The following MYH7B variants were observed in gnomAD, a reference collection of about 807,000 sequenced individuals.
The protein encoded by MYH7B is myosin heavy chain 7B.
In MYH7B, 205 loss-of-function variants were observed where a neutral mutation model predicts 234.5. That is an observed-to-expected ratio of 0.87 (90% CI 0.78 to 0.98). The LOEUF (loss-of-function observed/expected upper bound fraction) is 0.98. MYH7B is among the 50% of genes least tolerant of loss of function. The pLI, the probability that MYH7B is intolerant of heterozygous loss-of-function variation, is 0.00. For missense variants in MYH7B, 2,652 were observed against 2,633.4 expected (o/e 1.01, Z -0.15); for synonymous variants, 1,193 against 1,105.0 (o/e 1.08, Z -1.58).
At chr20:34,957,229 G>C (rs1256157839) in intron 1 of MYH7B, among the ~76,000 whole-genome samples, 4 of 152,210 alleles carry the variant, frequency 2.6e-5, no homozygotes, top group Non-Finnish European at 5.9e-5. Flanking sequence ...AGCAACAGGA[G>C]CTAAGGGCTT....
rs1452255932 is a variant in MYH7B, at chr20:34,993,226, G to A, written c.2307+1G>A. On this transcript the variant is annotated splice_donor_variant, in intron 25 of 44. Transcript: ENST00000262873. LOFTEE classifies it high-confidence loss of function. The stretch of plus-strand genomic sequence containing the variant: ...CCAGTACCAGTTTGGCCACACCAAG[G>A]TCGGGGCACTGTGGGATCAGGGCTG... 3 of 1,613,862 alleles carry A rather than the reference G, an allele frequency of 1.9e-6. No individual in the cohort carries two copies. Among genetic ancestry groups the A allele is most frequent in the Non-Finnish European group, 2.5e-6 (3 of 1,179,968 alleles).
intron 44 of MYH7B, 30 bp from the exon 45 acceptor site, chr20:35,002,147 C>G (rs1226059302): frequency 2.5e-6 from 4 of 1,597,896 alleles, no homozygotes; most frequent in Non-Finnish European, 1.7e-6. Flanking sequence ...ACAGGTAGTA[C>G]TGCTCACTCA....
exon 6 of MYH7B, chr20:34,979,483 C>A: frequency 6.2e-7 from 1 of 1,613,096 alleles, no homozygotes; most frequent in Non-Finnish European, 8.5e-7. Context: ...ACCGTGGAGA[C>A]CAAAGACCAG....
chr20:34,995,219 C>A, intron 27 of MYH7B, 117 bp from the exon 28 acceptor site: 1 of 953,164 alleles, frequency 1.0e-6, no homozygotes, highest in Non-Finnish European at 1.5e-6. Context: ...CCTGAGTTCT[C>A]AGAGCACAGC....
chr20:35,002,164 C>CCTTT lies in MYH7B; in HGVS notation c.5815-10_5815-7dup, dbSNP rs2082404694. On this transcript the variant is annotated splice_polypyrimidine_tract_variant and intron_variant, in intron 44 of 44. Coordinates refer to ENST00000262873, the Ensembl canonical transcript of MYH7B. ...AGGTAGTACTGCTCACTCAGCTATCCCTTTCTCCTCAGCACAAGGAGTGAC... is the reference window on the plus strand; with the variant it reads ...AGGTAGTACTGCTCACTCAGCTATCCCTTTCTTTCTCCTCAGCACAAGGAGTGAC... 3 of 1,578,294 alleles carry CCTTT rather than the reference C, an allele frequency of 1.9e-6. No individual in the cohort carries two copies. The highest frequency in any genetic ancestry group is 2.7e-5 in the African/African-American group (2 of 74,500).
In MYH7B at chr20:34,979,644, C is replaced by G; in HGVS notation, c.199-17C>G. Reference sequence around the variant, plus strand: ...TTCCTCCCGGTCCCCCGGCCCCTGACACGATCTCCCTGGTAGGTGCTGATG... The same window carrying G: ...TTCCTCCCGGTCCCCCGGCCCCTGAGACGATCTCCCTGGTAGGTGCTGATG... On this transcript the variant is annotated splice_polypyrimidine_tract_variant and intron_variant, in intron 6 of 44. Transcript: ENST00000262873. 6.2e-7 allele frequency: 1 copy of G among 1,613,920 alleles called. No individual in the cohort carries two copies. The highest frequency in any genetic ancestry group is 8.5e-7 in the Non-Finnish European group (1 of 1,179,894).
At chr20:34,956,364 T>C (rs1224150867) in intron 1 of MYH7B, among the ~76,000 whole-genome samples, 1 of 152,216 alleles carries the variant, frequency 6.6e-6, no homozygotes, top group African/African-American at 2.4e-5. Flanking sequence ...CCTGTGTTTC[T>C]CAGACTCTCT....
chr20:34,983,727 A>G (rs117126194), intron 10 of MYH7B, among the ~76,000 whole-genome samples: 1 of 152,362 alleles, frequency 6.6e-6, no homozygotes, highest in East Asian at 1.9e-4. Context: ...AGCCCTGCAC[A>G]AAAGCACTGG....
exon 15 of MYH7B, chr20:34,986,964 A>C (rs1204051792): frequency 6.2e-7 from 1 of 1,613,850 alleles, no homozygotes; most frequent in Non-Finnish European, 8.5e-7. Context: ...AACATGAATG[A>C]TGGGGAGGAG....
intron 2 of MYH7B, among the ~76,000 whole-genome samples, chr20:34,972,654 G>A (rs2081803428): frequency 2.0e-5 from 3 of 152,018 alleles, no homozygotes; most frequent in Admixed American, 1.3e-4. Flanking sequence ...TTTGAGTCAG[G>A]GTCTTGTTCC....
chr20:35,002,036 C>G, exon 44 of MYH7B: 1 of 1,614,034 alleles, frequency 6.2e-7, no homozygotes, highest in Non-Finnish European at 8.5e-7. Context: ...ATGGCGGAAA[C>G]CCAGGCCAAC....
intron 7 of MYH7B, 83 bp downstream of exon 7, chr20:34,979,887 T>C: frequency 1.4e-6 from 2 of 1,456,062 alleles, no homozygotes; most frequent in Admixed American, 1.9e-5. Flanking sequence ...GGCGGGCCCA[T>C]AGCGGTGGGG....
intron 10 of MYH7B, 44 bp downstream of exon 10, chr20:34,982,599 G>GTT (rs2081957210): frequency 7.2e-7 from 1 of 1,392,616 alleles, no homozygotes; most frequent in Admixed American, 2.3e-5. Context: ...GCTTCTCGCT[G>GTT]TTTTTCTTTT....
chr20:34,990,909 T>A, intron 23 of MYH7B, 84 bp downstream of exon 23: 1 of 1,567,144 alleles, frequency 6.4e-7, no homozygotes, highest in Non-Finnish European at 8.8e-7. Context: ...TGAGTACATC[T>A]TCCCCCTCAC....
In MYH7B at chr20:35,001,125, C is replaced by T. The variant is rs781498977; in HGVS notation, c.5442C>T (p.Gly1814=). 12 of 1,613,656 alleles carry T rather than the reference C, an allele frequency of 7.4e-6. No homozygotes were observed. The South Asian group carries it at 9.9e-5, about 13-fold the overall frequency. Residue 1814 remains glycine (G), a synonymous_variant, in exon 41 of 45, where the codon GGC becomes GGT. Transcript: ENST00000262873. ...AGGCAGAACAGGCCGCCCTCCGTGG[C>T]GGGAAGAAGCAGGTGCAGAAGCTGG...
chr20:34,961,385 A>G (rs1050801818), intron 2 of MYH7B, among the ~76,000 whole-genome samples: 10 of 152,288 alleles, frequency 6.6e-5, no homozygotes, highest in African/African-American at 2.4e-4. Flanking sequence ...AAAATAAAAC[A>G]CTGCTAATAT....
At chr20:34,999,987 C>A in intron 38 of MYH7B, 81 bp downstream of exon 38, 1 of 1,322,640 alleles carries the variant, frequency 7.6e-7, no homozygotes, top group Admixed American at 1.9e-5. Context: ...TCTAGTCTGT[C>A]CCTCCCATGG....
At chr20:35,002,133 G>T (rs1569070949) in intron 44 of MYH7B, 44 bp from the exon 45 acceptor site, 34 of 1,607,086 alleles carry the variant, frequency 2.1e-5, no homozygotes, top group Non-Finnish European at 2.9e-5. Context: ...GACTGTGGGG[G>T]CTGACAGGTA....
chr20:34,997,599 G>T, exon 32 of MYH7B: 1 of 1,613,634 alleles, frequency 6.2e-7, no homozygotes, highest in Non-Finnish European at 8.5e-7. Context: ...CATGGAGGTG[G>T]ACGACCTGGC....
Sources: allele counts gnomAD v4.1 joint callset (sites outside exome capture counted in the v4.1 genomes callset), GRCh38; gene constraint gnomAD v4.1.1; transcripts MANE v1.5; gene names NCBI Gene and HGNC (gene_info 2026-07-23, HGNC 2026-07-21).